Variants in PPFIA2 observed in about 807,000 individuals in gnomAD.
The protein encoded by PPFIA2 is liprin-alpha-2.
Under a neutral mutation model 175.5 loss-of-function variants are expected in PPFIA2, and 46 were observed. The observed-to-expected ratio is 0.26, with a 90% CI of 0.21 to 0.34. The LOEUF (loss-of-function observed/expected upper bound fraction) is 0.34, where lower values mean the gene tolerates loss of function less well. Ranked by LOEUF, PPFIA2 falls within the 10% of genes least tolerant of loss-of-function variation. The probability of loss-of-function intolerance (pLI) is 1.00; values close to 1 mark genes in which losing one functional copy is unlikely to be tolerated. For synonymous variants in PPFIA2, 568 were observed against 511.4 expected (o/e 1.11, Z -1.49); for missense variants, 1,179 against 1,506.1 (o/e 0.78, Z 3.60).
rs894213423 is a variant in PPFIA2 at position 81,676,904 on chromosome 12, G to C, written c.250-60C>G. ...ACTCAACAGCATGAAGAATCCCCCA[G>C]TCCCACAGTGTAATAATTTATTTAG... On this transcript the variant is annotated intron_variant, in intron 3 of 32. Coordinates refer to ENST00000549396, the MANE Select transcript of PPFIA2 (RefSeq NM_003625.5). 5.1e-6 allele frequency: 6 copies of C among 1,186,810 alleles called. No individual in the cohort carries two copies. The Admixed American group carries it at 1.7e-4, about 34-fold the overall frequency. 73.5% of individuals were successfully genotyped at this position (1,186,810 alleles called of 1,614,324 possible).
Position 81,668,886 on chromosome 12 carries a change from A to G in PPFIA2, c.303+7905T>C, listed in dbSNP as rs568613342. Among the ~76,000 whole-genome samples, 5 of 152,084 alleles carry G rather than the reference A, an allele frequency of 3.3e-5. No homozygotes were observed. In the South Asian group the frequency reaches 1.0e-3, roughly 32 times the overall value. On this transcript the variant is annotated intron_variant, in intron 4 of 32. Coordinates refer to ENST00000549396, the MANE Select transcript of PPFIA2 (RefSeq NM_003625.5). Reference sequence around the variant, plus strand: ...ATTTTTTAACTCCTGCATTTTTTGAAGTTTTCAATTACTGGTTCACACTAT... The same window carrying G: ...ATTTTTTAACTCCTGCATTTTTTGAGGTTTTCAATTACTGGTTCACACTAT...
chr12:81,667,279 G>A (rs2153558733), intron 4 of PPFIA2, among the ~76,000 whole-genome samples: 1 of 152,106 alleles, frequency 6.6e-6, no homozygotes, highest in Middle Eastern at 3.4e-3. Flanking sequence ...TGTTGAAGGA[G>A]CCCATCATCA....
chr12:81,468,570 A>G (rs555826597), intron 4 of PPFIA2, among the ~76,000 whole-genome samples: 3 of 152,224 alleles, frequency 2.0e-5, no homozygotes, highest in Non-Finnish European at 4.4e-5. Flanking sequence ...CACACAAAAT[A>G]GCATTCGAGC....
chr12:81,413,767 A>G (rs1208016161), intron 7 of PPFIA2, among the ~76,000 whole-genome samples: 1 of 151,856 alleles, frequency 6.6e-6, no homozygotes, highest in Non-Finnish European at 1.5e-5. Flanking sequence ...GGACAGAAAA[A>G]TGGAATTCTA....
chr12:81,354,585 T>C (rs1287671375), intron 16 of PPFIA2, among the ~76,000 whole-genome samples: 3 of 152,172 alleles, frequency 2.0e-5, no homozygotes, highest in Non-Finnish European at 2.9e-5. Flanking sequence ...CACAGAAGTA[T>C]TGAGCCCTTC....
At chr12:81,446,463 G>A (rs2051285046) in intron 5 of PPFIA2, among the ~76,000 whole-genome samples, 1 of 151,926 alleles carries the variant, frequency 6.6e-6, no homozygotes, top group Non-Finnish European at 1.5e-5. Flanking sequence ...TGTGAATTGG[G>A]GTTTCATATT....
chr12:81,388,304 G>T (rs960384434), intron 8 of PPFIA2, among the ~76,000 whole-genome samples: 2 of 152,102 alleles, frequency 1.3e-5, no homozygotes, highest in Admixed American at 1.3e-4. Flanking sequence ...TGATATGCTT[G>T]TACAATGAAA....
intron 15 of PPFIA2, among the ~76,000 whole-genome samples, chr12:81,362,009 C>CTATCTATG (rs1566443448): frequency 5.4e-5 from 1 of 18,596 alleles, no homozygotes; most frequent in African/African-American, 3.6e-4. Context: ...ATCTATGTAT[C>CTATCTATG]TATCTATCTA....
intron 3 of PPFIA2, among the ~76,000 whole-genome samples, chr12:81,739,015 A>G (rs968799086): frequency 2.0e-5 from 3 of 151,988 alleles, no homozygotes; most frequent in African/African-American, 7.2e-5. Flanking sequence ...CTTCATGATG[A>G]TAAAAGGCTC....
At chr12:81,672,609 T>C (rs892232518) in intron 4 of PPFIA2, among the ~76,000 whole-genome samples, 6 of 151,956 alleles carry the variant, frequency 3.9e-5, no homozygotes, top group African/African-American at 1.4e-4. Context: ...CCATTAGCAT[T>C]TAGGAAAAAA....
At chr12:81,640,151 T>C (rs1310172972) in intron 4 of PPFIA2, among the ~76,000 whole-genome samples, 1 of 152,158 alleles carries the variant, frequency 6.6e-6, no homozygotes, top group East Asian at 1.9e-4. Context: ...CTGTGTAACA[T>C]TTGAAGGACT....
At chr12:81,584,626 C>A (rs1475096247) in intron 4 of PPFIA2, among the ~76,000 whole-genome samples, 1 of 150,600 alleles carries the variant, frequency 6.6e-6, no homozygotes, top group Non-Finnish European at 1.5e-5. Flanking sequence ...CGCATCTAGC[C>A]TATATGGCAT....
At chr12:81,344,896 A>G in intron 18 of PPFIA2, 2 of 468,472 alleles carry the variant, frequency 4.3e-6, no homozygotes, top group East Asian at 3.4e-5. Context: ...CTCAGGTAAC[A>G]TAAGTCAGAT....
chr12:81,446,143 A>G (rs555916765), intron 5 of PPFIA2, among the ~76,000 whole-genome samples: 8 of 152,346 alleles, frequency 5.3e-5, no homozygotes, highest in African/African-American at 1.9e-4. Context: ...TTTGAATTGA[A>G]TAAAATGAGC....
At chr12:81,708,389 A>G (rs10862347) in intron 3 of PPFIA2, among the ~76,000 whole-genome samples, 77,575 of 151,858 alleles carry the variant, frequency 0.51, 21,199 homozygotes, top group Middle Eastern at 0.7. Flanking sequence ...TCCACCAATT[A>G]TTGTAAAATT....
chr12:81,329,303 TG>T (rs2055575161), intron 21 of PPFIA2, among the ~76,000 whole-genome samples: 1 of 152,086 alleles, frequency 6.6e-6, no homozygotes, highest in South Asian at 2.1e-4. Context: ...CATAATAAAT[TG>T]TTTATCACCT....
intron 4 of PPFIA2, among the ~76,000 whole-genome samples, chr12:81,660,362 G>A (rs909179752): frequency 1.3e-5 from 2 of 152,148 alleles, no homozygotes; most frequent in Non-Finnish European, 2.9e-5. Flanking sequence ...AGGACCTGAT[G>A]GACCTGAAAA....
chr12:81,493,540 C>T (rs1451342904), intron 4 of PPFIA2, among the ~76,000 whole-genome samples: 1 of 151,828 alleles, frequency 6.6e-6, no homozygotes, highest in Non-Finnish European at 1.5e-5. Flanking sequence ...TTTGGCAACA[C>T]AGAAATCACT....
intron 8 of PPFIA2, among the ~76,000 whole-genome samples, chr12:81,390,406 A>G (rs530322179): frequency 2.6e-5 from 4 of 152,038 alleles, no homozygotes; most frequent in Non-Finnish European, 4.4e-5. Flanking sequence ...AATGTATGAG[A>G]GTTCTAATTT....
Sources: allele counts gnomAD v4.1 joint callset (sites outside exome capture counted in the v4.1 genomes callset), GRCh38; gene constraint gnomAD v4.1.1; transcripts MANE v1.5; gene names NCBI Gene and HGNC (gene_info 2026-07-23, HGNC 2026-07-21).